The following ASB18 variants were observed in gnomAD, a reference collection of about 807,000 sequenced individuals.
ASB18 encodes ankyrin repeat and SOCS box protein 18.
A neutral mutation model predicts 33.4 loss-of-function variants in ASB18; 33 were observed. The ratio of observed to expected loss-of-function variants is 0.99; its 90% CI spans 0.75 to 1.32. ASB18 has a LOEUF of 1.32. Ranked by LOEUF, ASB18 falls within the 40% of genes most tolerant of loss-of-function variation. The pLI is 0.00. For synonymous variants in ASB18, 295 were observed against 307.6 expected (o/e 0.96, Z 0.43); for missense variants, 694 against 655.5 (o/e 1.06, Z -0.64).
At chr2:236,202,953 T>G (rs2060412638) in intron 4 of ASB18, among the ~76,000 whole-genome samples, 1 of 151,960 alleles carries the variant, frequency 6.6e-6, no homozygotes. Context: ...TAGTTCCAGG[T>G]TGTCATTATT....
At chr2:236,243,995 T>C (rs570938953) in intron 1 of ASB18, among the ~76,000 whole-genome samples, 95 of 152,286 alleles carry the variant, frequency 6.2e-4, no homozygotes, top group African/African-American at 2.2e-3. Flanking sequence ...CCCAGCTAAT[T>C]TTTTAATTTT....
chr2:236,233,256 T>C (rs2060575190), intron 3 of ASB18, among the ~76,000 whole-genome samples: 1 of 152,102 alleles, frequency 6.6e-6, no homozygotes, highest in African/African-American at 2.4e-5. Context: ...TCATACAAAC[T>C]GTCAGCAAAC....
rs1291207353 is a variant in ASB18, at chr2:236,200,192, C to G, written c.1102-3807G>C. Among the ~76,000 whole-genome samples the G allele has an allele frequency of 1.3e-5, 2 of 151,976 alleles. No individual in the cohort carries two copies. The highest frequency in any genetic ancestry group is 2.4e-5 in the African/African-American group (1 of 41,386). ...TGAAGCTCCATCTCTACTAAAAATACAACAAAATTAGCCAGGCATGGTGGT... is the reference window on the plus strand; with the variant it reads ...TGAAGCTCCATCTCTACTAAAAATAGAACAAAATTAGCCAGGCATGGTGGT... On this transcript the variant is annotated intron_variant, in intron 4 of 5. Coordinates refer to ENST00000409749, the MANE Select transcript of ASB18 (RefSeq NM_212556.4). This position sits in a 1 kb window ranked among gnomAD's most constrained non-coding sequence, Gnocchi z 4.2.
Position 236,196,230 on chromosome 2 carries a change from A to G in ASB18, c.1215+42T>C, listed in dbSNP as rs774950883. 8.6e-6 allele frequency: 10 copies of G among 1,165,030 alleles called. No homozygotes were observed. The South Asian group carries it at 1.2e-4, about 14-fold the overall frequency. The allele number at this position is 1,165,030 out of a possible 1,614,324, so 72.2% of individuals were successfully genotyped here. The stretch of plus-strand genomic sequence containing the variant: ...CCATGCAAAGAAGCAAAAACAGACA[A>G]AAGTTTTGTACTAAAGATGGGCAGA... On this transcript the variant is annotated intron_variant, in intron 5 of 5. Transcript: ENST00000409749. The surrounding 1 kb of genome is among the most constrained non-coding windows in gnomAD (Gnocchi z 5.6).
rs1186084362 is a variant in ASB18 at position 236,219,747 on chromosome 2, T to A, written c.597-4881A>T. Among the ~76,000 whole-genome samples the A allele has an allele frequency of 6.6e-6, 1 of 152,130 alleles. No individual in the cohort carries two copies. Among genetic ancestry groups the A allele is most frequent in the Non-Finnish European group, 1.5e-5 (1 of 68,014 alleles). ...CATCCCTGAAGCCTTTGCAGGTCTA[T>A]GTCTGGGACCCAGCCTTGGCTGAGC... On this transcript the variant is annotated intron_variant, in intron 3 of 5. Transcript: ENST00000409749. The surrounding 1 kb of genome is among the most constrained non-coding windows in gnomAD (Gnocchi z 6.4).
At chr2:236,246,507 G>A (rs2060645343) in intron 1 of ASB18, among the ~76,000 whole-genome samples, 1 of 151,894 alleles carries the variant, frequency 6.6e-6, no homozygotes, top group South Asian at 2.1e-4. Context: ...GAACAGCAGA[G>A]ATTTTTTTTT....
rs2060712036 is a variant in ASB18, at chr2:236,260,310, C to T, written c.205+3831G>A. Among the ~76,000 whole-genome samples the T allele has an allele frequency of 6.6e-6, 1 of 152,200 alleles. No homozygotes were observed. Among genetic ancestry groups the T allele is most frequent in the Non-Finnish European group, 1.5e-5 (1 of 68,034 alleles). ...CTCAGGTGGGCATCACCAGCTCTGC[C>T]CCCTCTCTTGGCCCAGCCCTGTTTT... is the stretch of plus-strand genomic sequence containing the variant. On this transcript the variant is annotated intron_variant, in intron 1 of 5. Transcript: ENST00000409749. The surrounding 1 kb of genome is among the most constrained non-coding windows in gnomAD (Gnocchi z 5.1).
intron 1 of ASB18, among the ~76,000 whole-genome samples, chr2:236,258,491 A>G (rs568145100): frequency 1.3e-5 from 2 of 152,194 alleles, no homozygotes; most frequent in African/African-American, 2.4e-5. Context: ...ACCATCATCA[A>G]TGGGTACGCT....
Position 236,196,180 on chromosome 2 carries a change from T to C in ASB18, c.1215+92A>G, listed in dbSNP as rs1212448360. ...CTTCCTTTTTCAGATGTATAATACT[T>C]AGCCGAATATCAGTGCAAAACTCCC... On this transcript the variant is annotated intron_variant, in intron 5 of 5. Transcript: ENST00000409749. The surrounding 1 kb of genome is among the most constrained non-coding windows in gnomAD (Gnocchi z 5.6). 2 of 736,464 alleles carry C rather than the reference T, an allele frequency of 2.7e-6. No homozygotes were observed. Among genetic ancestry groups the C allele is most frequent in the Non-Finnish European group, 2.5e-6 (1 of 402,372 alleles). 45.6% of individuals were successfully genotyped at this position (736,464 alleles called of 1,614,324 possible).
chr2:236,202,577 T>G (rs1321187245), intron 4 of ASB18, among the ~76,000 whole-genome samples: 3 of 151,626 alleles, frequency 2.0e-5, no homozygotes, highest in African/African-American at 7.3e-5. Flanking sequence ...TCCCAACACT[T>G]TGGGAGGCTG....
rs902065051 is a variant in ASB18, at chr2:236,208,386, G to A, written c.1101+5976C>T. ...CCTTCTGTGTTGGGAAAAAAATCAC[G>A]CCATTAAGAAGGACTCACGCTGGAC... On this transcript the variant is annotated intron_variant, in intron 4 of 5. Transcript: ENST00000409749. The surrounding 1 kb of genome is among the most constrained non-coding windows in gnomAD (Gnocchi z 7.7). Among the ~76,000 whole-genome samples the A allele has an allele frequency of 6.6e-6, 1 of 152,114 alleles. No homozygotes were observed. Among genetic ancestry groups the A allele is most frequent in the African/African-American group, 2.4e-5 (1 of 41,410 alleles).
chr2:236,232,621 T>C (rs1184810844), intron 3 of ASB18, among the ~76,000 whole-genome samples: 1 of 152,080 alleles, frequency 6.6e-6, no homozygotes, highest in Non-Finnish European at 1.5e-5. Context: ...CTATAGAATC[T>C]ACAGCTCTTA....
In ASB18 at chr2:236,260,396, T is replaced by G. The variant is rs937154389; in HGVS notation, c.205+3745A>C. Among the ~76,000 whole-genome samples, 4 of 152,194 alleles carry G rather than the reference T, an allele frequency of 2.6e-5. No individual in the cohort carries two copies. Among genetic ancestry groups the G allele is most frequent in the African/African-American group, 9.7e-5 (4 of 41,440 alleles). ...TCTCAGGGATTTCGGTGTTTGACAGTGTCCATTCCCAATATGTGCTGCATT... is the reference window on the plus strand; with the variant it reads ...TCTCAGGGATTTCGGTGTTTGACAGGGTCCATTCCCAATATGTGCTGCATT... On this transcript the variant is annotated intron_variant, in intron 1 of 5. Coordinates refer to ENST00000409749, the MANE Select transcript of ASB18 (RefSeq NM_212556.4). This position sits in a 1 kb window ranked among gnomAD's most constrained non-coding sequence, Gnocchi z 5.1.
chr2:236,222,238 G>A lies in ASB18; in HGVS notation c.597-7372C>T, dbSNP rs1490526822. 2.6e-5 allele frequency among the ~76,000 whole-genome samples: 4 copies of A among 152,088 alleles called. No homozygotes were observed. The highest frequency in any genetic ancestry group is 2.1e-4 in the South Asian group (1 of 4,824). ...ATTTTCTTTTCTCTCCCTCTCTCCC[G>A]GGATGCTAAGCTATGAGACTATCAG... On this transcript the variant is annotated intron_variant, in intron 3 of 5. Transcript: ENST00000409749. This position sits in a 1 kb window ranked among gnomAD's most constrained non-coding sequence, Gnocchi z 5.5.
Position 236,196,764 on chromosome 2 carries a change from C to T in ASB18, c.1102-379G>A, listed in dbSNP as rs976954264. On this transcript the variant is annotated intron_variant, in intron 4 of 5. Transcript: ENST00000409749. The surrounding 1 kb of genome is among the most constrained non-coding windows in gnomAD (Gnocchi z 5.6). ...AGTTCTGCTAGGAGGAAGTTTGGCC[C>T]GAGGATGGTGTTCCCAATTTCTTAC... 5.3e-5 allele frequency among the ~76,000 whole-genome samples: 8 copies of T among 152,164 alleles called. No homozygotes were observed. Among genetic ancestry groups the T allele is most frequent in the Non-Finnish European group, 7.3e-5 (5 of 68,034 alleles).
At chr2:236,201,133 TCC>T (rs2060399238) in intron 4 of ASB18, among the ~76,000 whole-genome samples, 3 of 151,170 alleles carry the variant, frequency 2.0e-5, no homozygotes, top group African/African-American at 4.8e-5. Context: ...CTTCCTTCCT[TCC>T]CTCCTTCCTT....
intron 1 of ASB18, among the ~76,000 whole-genome samples, chr2:236,258,580 C>G (rs1483927582): frequency 6.6e-6 from 1 of 152,082 alleles, no homozygotes; most frequent in African/African-American, 2.4e-5. Context: ...TTTGGTTTGT[C>G]CTGAGTGATG....
chr2:236,242,065 C>T (rs934332345), intron 1 of ASB18, among the ~76,000 whole-genome samples: 34 of 152,112 alleles, frequency 2.2e-4, no homozygotes, highest in Admixed American at 1.8e-3. Context: ...ATGAAGCACC[C>T]GATGTACACC....
In ASB18 at chr2:236,241,448, TA is replaced by T; in HGVS notation, c.206-47del. 1 of 1,611,960 alleles carries T rather than the reference TA, an allele frequency of 6.2e-7. No individual in the cohort carries two copies. Among genetic ancestry groups the T allele is most frequent in the Non-Finnish European group, 8.5e-7 (1 of 1,178,428 alleles). ...TACTCCTGCACCGGGGACCCTGCTC[TA>T]GCTTGAGGATCCTTCTCTGTCTTTT... On this transcript the variant is annotated intron_variant, in intron 1 of 5. Transcript: ENST00000409749. The surrounding 1 kb of genome is among the most constrained non-coding windows in gnomAD (Gnocchi z 4.2).
Sources: gnomAD v4.1 joint callset for allele counts (sites outside exome capture counted in the v4.1 genomes callset) on GRCh38, gnomAD v4.1.1 for gene constraint, Gnocchi (gnomAD v3.1) non-coding constraint, MANE v1.5 for transcripts, NCBI Gene and HGNC (gene_info 2026-07-23, HGNC 2026-07-21) for gene names.